USP24: variants seen among roughly 807,000 people sequenced by gnomAD.
The protein encoded by USP24 is ubiquitin carboxyl-terminal hydrolase 24.
A neutral mutation model predicts 361.6 loss-of-function variants in USP24; 97 were observed. The observed-to-expected ratio is 0.27, with a 90% confidence interval of 0.23 to 0.32. The LOEUF is 0.32. USP24 is among the 10% of genes least tolerant of loss of function. USP24 has a pLI of 1.00. For missense variants in USP24, 2,353 were observed against 3,165.6 expected (o/e 0.74, Z 6.16); for synonymous variants, 1,098 against 1,124.6 (o/e 0.98, Z 0.47).
intron 61 of USP24, 50 bp downstream of exon 61, chr1:55,078,488 A>G: frequency 6.8e-7 from 1 of 1,462,012 alleles, no homozygotes; most frequent in South Asian, 1.3e-5. Context: ...GCTCTCCTAG[A>G]GTCTCACTTA....
In USP24 at chr1:55,134,235, T is replaced by C. The variant is rs940025709; in HGVS notation, c.3288-72A>G. 4.5e-6 allele frequency: 7 copies of C among 1,567,476 alleles called. No homozygotes were observed. In the East Asian group the frequency reaches 1.4e-4, roughly 31 times the overall value. ...TTCAACAAAGTCCATTAGTATGGAATATAAAATAAAATGCATTTCAAGTGA... is the reference window on the plus strand; with the variant it reads ...TTCAACAAAGTCCATTAGTATGGAACATAAAATAAAATGCATTTCAAGTGA... On this transcript the variant is annotated intron_variant, in intron 29 of 67. Transcript: ENST00000294383.
At chr1:55,158,176 C>G (rs1647889290) in intron 10 of USP24, among the ~76,000 whole-genome samples, 4 of 152,232 alleles carry the variant, frequency 2.6e-5, no homozygotes, top group Admixed American at 1.3e-4. Flanking sequence ...TGACAGTGGT[C>G]AGCTTGCAAA....
chr1:55,071,340 G>A, intron 67 of USP24: 1 of 992,474 alleles, frequency 1.0e-6, no homozygotes, highest in Non-Finnish European at 1.2e-6. Flanking sequence ...TGGTATTAAA[G>A]CTGTTTTTTT....
At chr1:55,082,001 G>A (rs904675387) in intron 58 of USP24, among the ~76,000 whole-genome samples, 1 of 152,180 alleles carries the variant, frequency 6.6e-6, no homozygotes, top group African/African-American at 2.4e-5. Context: ...AGTTTGAAGT[G>A]GAAAAGGGAT....
chr1:55,136,924 G>A (rs904256068), intron 28 of USP24, among the ~76,000 whole-genome samples: 1 of 152,172 alleles, frequency 6.6e-6, no homozygotes, highest in Non-Finnish European at 1.5e-5. Context: ...CATACAATAT[G>A]CAGAGACTGG....
At position 55,129,546 on chromosome 1, in the gene USP24, G is replaced by A. The variant is rs1291163422; in HGVS notation, c.3566C>T (p.Ala1189Val). The A allele has an allele frequency of 6.2e-7, 1 of 1,613,848 alleles. No homozygotes were observed. Among genetic ancestry groups the A allele is most frequent in the Admixed American group, 1.7e-5 (1 of 60,018 alleles). ...EVLSSKLMPTADDDMARSCAK... is the reference protein window; with the variant it reads ...EVLSSKLMPTVDDDMARSCAK... The stretch of plus-strand genomic sequence containing the variant: ...ACAGCTTCTGGCCATGTCATCATCA[G>A]CTGTTGGCATGAGTTTGGAGCTTAG... Residue 1189 changes from alanine to valine, a missense_variant, in exon 32 of 68, where the codon GCT becomes GTT. Physicochemically the swap from Ala to Val is moderately conservative, Grantham distance 64. This residue lies in a region of USP24 where 949 missense variants were observed against 1,280.5 expected (regional missense o/e 0.74). Transcript: ENST00000294383.
At chr1:55,161,776 G>T (rs1648310877) in intron 8 of USP24, among the ~76,000 whole-genome samples, 1 of 152,094 alleles carries the variant, frequency 6.6e-6, no homozygotes, top group African/African-American at 2.4e-5. Flanking sequence ...AATCAGACAA[G>T]ATGTGCTGTT....
At chr1:55,094,323 T>A (rs1325769832) in intron 51 of USP24, among the ~76,000 whole-genome samples, 1 of 152,132 alleles carries the variant, frequency 6.6e-6, no homozygotes, top group African/African-American at 2.4e-5. Flanking sequence ...GAAGATAAAA[T>A]AGTGCAGGGC....
intron 1 of USP24, among the ~76,000 whole-genome samples, chr1:55,212,535 A>C (rs1386194011): frequency 6.6e-6 from 1 of 152,172 alleles, no homozygotes; most frequent in Non-Finnish European, 1.5e-5. Flanking sequence ...GATGCTGGAT[A>C]ATATTTATTA....
rs887053867 is a variant in USP24 at position 55,075,314 on chromosome 1, G to C, written c.7447+143C>G. 19 of 657,550 alleles carry C rather than the reference G, an allele frequency of 2.9e-5. No homozygotes were observed. In the African/African-American group the frequency reaches 3.6e-4, roughly 12 times the overall value. 40.7% of individuals were successfully genotyped at this position (657,550 alleles called of 1,614,324 possible). The stretch of plus-strand genomic sequence containing the variant: ...TTTTAATTTTTCTGACCAGAATGAG[G>C]GAGCCCAGTGGCCCTGACCAGACTT... On this transcript the variant is annotated intron_variant, in intron 63 of 67. Coordinates refer to ENST00000294383, the MANE Select transcript of USP24 (RefSeq NM_015306.3).
chr1:55,140,944 G>A (rs940241408), intron 24 of USP24, among the ~76,000 whole-genome samples: 2 of 152,090 alleles, frequency 1.3e-5, no homozygotes, highest in Admixed American at 6.5e-5. Flanking sequence ...AACTACAGCA[G>A]ACACTAAACT....
At chr1:55,071,122 T>C in intron 67 of USP24, 3 of 975,382 alleles carry the variant, frequency 3.1e-6, no homozygotes, top group Non-Finnish European at 3.7e-6. Flanking sequence ...AGATAACACT[T>C]AAAAAAAAAT....
At chr1:55,181,720 G>A (rs1643972413) in intron 1 of USP24, among the ~76,000 whole-genome samples, 1 of 152,092 alleles carries the variant, frequency 6.6e-6, no homozygotes, top group Non-Finnish European at 1.5e-5. Context: ...GTAAAAACTA[G>A]AGCCTCTTTG....
intron 1 of USP24, among the ~76,000 whole-genome samples, chr1:55,212,535 A>T (rs1386194011): frequency 2.6e-5 from 4 of 152,172 alleles, no homozygotes; most frequent in Admixed American, 6.5e-5. Context: ...GATGCTGGAT[A>T]ATATTTATTA....
intron 1 of USP24, among the ~76,000 whole-genome samples, chr1:55,197,406 T>C (rs1201853211): frequency 6.6e-6 from 1 of 152,234 alleles, no homozygotes; most frequent in African/African-American, 2.4e-5. Context: ...TTCCATTATC[T>C]GTAACAGTCC....
At chr1:55,188,211 A>G (rs975903163) in intron 1 of USP24, among the ~76,000 whole-genome samples, 1 of 152,222 alleles carries the variant, frequency 6.6e-6, no homozygotes, top group African/African-American at 2.4e-5. Flanking sequence ...ACAACTGAAT[A>G]TACACAAGCA....
chr1:55,069,461 C>T (rs905052423), intron 67 of USP24, among the ~76,000 whole-genome samples: 1 of 152,210 alleles, frequency 6.6e-6, no homozygotes, highest in Non-Finnish European at 1.5e-5. Context: ...CTGCCCTGCA[C>T]CTGCCAAATA....
At position 55,123,614 on chromosome 1, in the gene USP24, T is replaced by A; in HGVS notation, c.4121-12A>T. 1 of 1,580,242 alleles carries A rather than the reference T, an allele frequency of 6.3e-7. No individual in the cohort carries two copies. The highest frequency in any genetic ancestry group is 8.6e-7 in the Non-Finnish European group (1 of 1,162,288). ...GCTGCAATTGCTTCCTGAAAACAGGTAAGCAGAAATTTACTGTGGATCCTA... is the reference window on the plus strand; with the variant it reads ...GCTGCAATTGCTTCCTGAAAACAGGAAAGCAGAAATTTACTGTGGATCCTA... On this transcript the variant is annotated splice_polypyrimidine_tract_variant and intron_variant, in intron 35 of 67. Coordinates refer to ENST00000294383, the MANE Select transcript of USP24 (RefSeq NM_015306.3).
At chr1:55,175,702 A>G (rs538928505) in intron 3 of USP24, among the ~76,000 whole-genome samples, 39 of 152,312 alleles carry the variant, frequency 2.6e-4, no homozygotes, top group Admixed American at 2.2e-3. Context: ...GCTGGGGGAA[A>G]GGGCAGTATG....
Sources: gnomAD v4.1 joint callset for allele counts (sites outside exome capture counted in the v4.1 genomes callset) on GRCh38, gnomAD v4.1.1 for gene constraint, gnomAD v4.1.1 regional missense constraint, MANE v1.5 for transcripts, NCBI Gene and HGNC (gene_info 2026-07-23, HGNC 2026-07-21) for gene names.